Variants in STXBP5L observed in about 807,000 individuals in gnomAD.
STXBP5L encodes the protein syntaxin-binding protein 5-like.
STXBP5L carries 65 observed loss-of-function variants against 144.5 expected under a neutral mutation model. The ratio of observed to expected loss-of-function variants is 0.45; its 90% CI spans 0.37 to 0.55. The LOEUF (loss-of-function observed/expected upper bound fraction) is 0.55. Ranked by LOEUF, STXBP5L falls within the 20% of genes least tolerant of loss-of-function variation. The probability of loss-of-function intolerance (pLI) is 0.00; values close to 1 mark genes in which losing one functional copy is unlikely to be tolerated. For synonymous variants in STXBP5L, 505 were observed against 469.6 expected, an observed-to-expected ratio of 1.08 and a Z score of -0.97; for missense variants, 1,298 against 1,405.5, an observed-to-expected ratio of 0.92 and a Z score of 1.22.
At chr3:120,949,161 G>T (rs552167693) in intron 2 of STXBP5L, among the ~76,000 whole-genome samples, 1 of 151,884 alleles carries the variant, frequency 6.6e-6, no homozygotes, top group African/African-American at 2.4e-5. Flanking sequence ...GATAATTAAT[G>T]GTCTTGAGCA....
chr3:120,929,588 C>G (rs761068884), intron 2 of STXBP5L, among the ~76,000 whole-genome samples: 1 of 151,838 alleles, frequency 6.6e-6, no homozygotes, highest in Non-Finnish European at 1.5e-5. Context: ...AATGCTTTTA[C>G]GAACATCTGT....
At chr3:120,909,501 C>CT (rs1336744400) in intron 1 of STXBP5L, 70 bp from the exon 2 acceptor site, 1 of 1,345,572 alleles carries the variant, frequency 7.4e-7, no homozygotes, top group African/African-American at 1.5e-5. Flanking sequence ...AAGAGAAAGG[C>CT]TTTTACCAAG....
chr3:121,332,785 A>T (rs2044363820), intron 20 of STXBP5L, among the ~76,000 whole-genome samples: 1 of 152,080 alleles, frequency 6.6e-6, no homozygotes, highest in South Asian at 2.1e-4. Context: ...TGGGAGATCC[A>T]TTGCAAAAAG....
chr3:121,040,124 C>T (rs1238890881), intron 3 of STXBP5L, among the ~76,000 whole-genome samples: 1 of 151,880 alleles, frequency 6.6e-6, no homozygotes, highest in African/African-American at 2.4e-5. Context: ...GATATTTCTC[C>T]TTGTTACAAG....
At chr3:121,361,789 T>A (rs1206479964) in intron 20 of STXBP5L, among the ~76,000 whole-genome samples, 2 of 152,140 alleles carry the variant, frequency 1.3e-5, no homozygotes, top group Non-Finnish European at 2.9e-5. Flanking sequence ...CCAGGATTGG[T>A]CTCTGGTGCC....
chr3:121,421,533 CAA>C lies in STXBP5L; in HGVS notation c.*2438_*2439del, dbSNP rs2108762400. On this transcript the variant is annotated 3_prime_UTR_variant, in exon 27 of 27. Transcript: ENST00000471454. ...TTCACAGCCACTATTCTACATCATA[CAA>C]AGAGGTAGATTGTGTGAATATGTAA... The C allele has an allele frequency of 1.3e-5, 2 of 152,140 alleles. No individual in the cohort carries two copies. The highest frequency in any genetic ancestry group is 4.1e-4 in the South Asian group (2 of 4,824). The allele number at this position is 152,140 out of a possible 1,614,324, so 9.4% of individuals were successfully genotyped here. A position where few individuals can be genotyped will look rare whatever the true frequency, so the allele number is the denominator to read the frequency against.
Position 121,092,777 on chromosome 3 carries a change from T to G in STXBP5L, c.471-22148T>G, listed in dbSNP as rs150116560. Among the ~76,000 whole-genome samples the G allele has an allele frequency of 2.5e-3, 381 of 152,332 alleles. 2 individuals carry two copies. The highest frequency in any genetic ancestry group is 8.6e-3 in the African/African-American group (358 of 41,562). On this transcript the variant is annotated intron_variant, in intron 5 of 26. Transcript: ENST00000471454. The stretch of plus-strand genomic sequence containing the variant: ...ATACCCTTTATTTCCTTCTCCTGTC[T>G]AATTGCCCTGGCCAGAACTTCCAAC...
chr3:121,115,004 A>G lies in STXBP5L; in HGVS notation c.550A>G (p.Ile184Val). The change falls in exon 6 of 27, where the codon ATT (isoleucine) becomes GTT (valine). Residue 184 changes from isoleucine (I) to valine (V), a missense_variant. Ile to Val is a conservative substitution (Grantham distance 29). Coordinates refer to ENST00000471454, the MANE Select transcript of STXBP5L (RefSeq NM_001308330.2). ...TERGNTHIVN[I>V]ESFILSGYVI... ...AAGAGGAAATACACATATTGTAAAT[A>G]TTGAATCTTTCATTCTTTCTGGATA... The G allele has an allele frequency of 1.9e-6, 3 of 1,600,906 alleles. No homozygotes were observed. The highest frequency in any genetic ancestry group is 2.6e-6 in the Non-Finnish European group (3 of 1,174,734).
chr3:120,971,383 A>G (rs554748550), intron 3 of STXBP5L, among the ~76,000 whole-genome samples: 1 of 150,242 alleles, frequency 6.7e-6, no homozygotes, highest in Non-Finnish European at 1.5e-5. Flanking sequence ...ACCCCCCCCA[A>G]CTCCTTAACT....
chr3:121,073,066 C>T (rs971434663), intron 5 of STXBP5L, among the ~76,000 whole-genome samples: 10 of 152,210 alleles, frequency 6.6e-5, no homozygotes, highest in Admixed American at 1.3e-4. Context: ...ACATCCAGCC[C>T]GTCTGACACC....
At chr3:121,346,362 T>TG (rs1360921858) in intron 20 of STXBP5L, among the ~76,000 whole-genome samples, 1 of 152,052 alleles carries the variant, frequency 6.6e-6, no homozygotes, top group Non-Finnish European at 1.5e-5. Flanking sequence ...TGATGGGCAT[T>TG]GGGGTTGGTT....
chr3:120,978,075 A>T (rs1266480333), intron 3 of STXBP5L, among the ~76,000 whole-genome samples: 1 of 152,132 alleles, frequency 6.6e-6, no homozygotes, highest in East Asian at 1.9e-4. Flanking sequence ...GTATTTCCTG[A>T]ATGTGAATGT....
chr3:121,323,642 G>C (rs1300249739), intron 20 of STXBP5L, among the ~76,000 whole-genome samples: 1 of 152,140 alleles, frequency 6.6e-6, no homozygotes, highest in African/African-American at 2.4e-5. Context: ...TAGACATTAT[G>C]CTATTCACTG....
At chr3:121,123,135 C>T (rs1380757586) in intron 7 of STXBP5L, among the ~76,000 whole-genome samples, 2 of 151,338 alleles carry the variant, frequency 1.3e-5, no homozygotes, top group Non-Finnish European at 1.5e-5. Flanking sequence ...TAGGGAAATA[C>T]AATATACAAT....
intron 20 of STXBP5L, among the ~76,000 whole-genome samples, chr3:121,334,809 G>C (rs2203079): frequency 0.79 from 119,729 of 152,112 alleles, 47,354 homozygotes; most frequent in East Asian, 0.93. Flanking sequence ...AAGGAATATA[G>C]CTCAAAATAA....
intron 9 of STXBP5L, among the ~76,000 whole-genome samples, chr3:121,179,007 C>G (rs1052760655): frequency 4.0e-5 from 6 of 151,792 alleles, no homozygotes; most frequent in Non-Finnish European, 8.8e-5. Context: ...GGTGTGGGCA[C>G]TTGGCATTAC....
chr3:121,287,503 T>G (rs969701563), intron 19 of STXBP5L, among the ~76,000 whole-genome samples: 4 of 152,170 alleles, frequency 2.6e-5, no homozygotes, highest in Non-Finnish European at 5.9e-5. Flanking sequence ...TAAGAAGTAC[T>G]TAGCCATAAA....
chr3:120,909,751 A>T lies in STXBP5L; in HGVS notation c.173A>T (p.Tyr58Phe). Residue 58 changes from tyrosine to phenylalanine, a missense_variant, in exon 2 of 27, where the codon TAT (tyrosine) becomes TTT (phenylalanine). Transcript: ENST00000471454. Reference sequence around the variant, plus strand: ...ATTCAGGAAACTTTGACTTCGGAGTATTTCCAGATTTGCAAGGTAAGTTTT... The same window carrying T: ...ATTCAGGAAACTTTGACTTCGGAGTTTTTCCAGATTTGCAAGGTAAGTTTT... ...EEIQETLTSE[Y>F]FQICKTVRHG... The T allele has an allele frequency of 1.9e-6, 3 of 1,611,904 alleles. No homozygotes were observed. Among genetic ancestry groups the T allele is most frequent in the Non-Finnish European group, 2.5e-6 (3 of 1,179,456 alleles).
intron 2 of STXBP5L, among the ~76,000 whole-genome samples, chr3:120,941,979 C>T (rs1399342286): frequency 1.3e-5 from 2 of 151,746 alleles, no homozygotes; most frequent in African/African-American, 2.4e-5. Flanking sequence ...TTTAAAACAC[C>T]TAAGCTGTGG....
Sources: gnomAD v4.1 joint callset for allele counts (sites outside exome capture counted in the v4.1 genomes callset) on GRCh38, gnomAD v4.1.1 for gene constraint, MANE v1.5 for transcripts, NCBI Gene and HGNC (gene_info 2026-07-23, HGNC 2026-07-21) for gene names.